CAMTA1: variants seen among roughly 807,000 people sequenced by gnomAD.
CAMTA1 encodes calmodulin binding transcription activator 1, also known as calmodulin-binding transcription activator 1.
A neutral mutation model predicts 170.9 loss-of-function variants in CAMTA1; 27 were observed. The ratio of observed to expected loss-of-function variants is 0.16; its 90% CI spans 0.12 to 0.22. The LOEUF is 0.22. Among genes scored for constraint, CAMTA1 ranks in the 10% least tolerant of loss-of-function variants. CAMTA1 has a pLI of 1.00. For missense variants in CAMTA1, 1,619 were observed against 2,217.2 expected, an observed-to-expected ratio of 0.73 and a Z score of 5.42; for synonymous variants, 833 against 891.5, an observed-to-expected ratio of 0.93 and a Z score of 1.17.
intron 5 of CAMTA1, among the ~76,000 whole-genome samples, chr1:7,377,461 C>G (rs1575003226): frequency 6.6e-6 from 1 of 152,174 alleles, no homozygotes; most frequent in East Asian, 1.9e-4. Flanking sequence ...ATCTCAGGCC[C>G]CAGATATTCT....
intron 3 of CAMTA1, among the ~76,000 whole-genome samples, chr1:7,013,531 C>A (rs1700120709): frequency 6.6e-6 from 1 of 152,128 alleles, no homozygotes; most frequent in Admixed American, 6.6e-5. Context: ...CTTCTTGAGT[C>A]TTTTCTCAAC....
At chr1:7,168,437 C>T (rs1335066260) in intron 4 of CAMTA1, among the ~76,000 whole-genome samples, 2 of 152,182 alleles carry the variant, frequency 1.3e-5, no homozygotes, top group Non-Finnish European at 2.9e-5. Flanking sequence ...GAGTCTTGCT[C>T]TGTTGCCCAG....
chr1:7,000,252 CT>C (rs1004706345), intron 3 of CAMTA1, among the ~76,000 whole-genome samples: 1 of 152,240 alleles, frequency 6.6e-6, no homozygotes, highest in Non-Finnish European at 1.5e-5. Flanking sequence ...CTGCAGCCCC[CT>C]GCGTGGGGAG....
intron 11 of CAMTA1, among the ~76,000 whole-genome samples, chr1:7,717,334 A>G (rs1214630946): frequency 6.6e-6 from 1 of 152,218 alleles, no homozygotes; most frequent in East Asian, 1.9e-4. Flanking sequence ...ACATTTGTAC[A>G]TAGTGCATTA....
intron 11 of CAMTA1, chr1:7,693,939 GGCCA>G (rs2096346946): frequency 6.6e-6 from 1 of 152,198 alleles, no homozygotes. Flanking sequence ...TATCCAGTGT[GGCCA>G]GCATCTACCC....
At chr1:6,824,778 G>T (rs898460857) in intron 2 of CAMTA1, among the ~76,000 whole-genome samples, 6 of 151,988 alleles carry the variant, frequency 3.9e-5, no homozygotes, top group African/African-American at 1.5e-4. Flanking sequence ...ATTTTTATGT[G>T]CTTCATCAAA....
In CAMTA1 at chr1:6,940,928, GA is replaced by G. The variant is rs145013989; in HGVS notation, c.234+115721del. On this transcript the variant is annotated intron_variant, in intron 3 of 22. Coordinates refer to ENST00000303635, the MANE Select transcript of CAMTA1 (RefSeq NM_015215.4). ...CTCACAGGCAGGGGATCCTCACAGG[GA>G]AAGGGGATCCTCAGGGGGAGGGGGG... 8.8e-3 allele frequency among the ~76,000 whole-genome samples: 217 copies of G among 24,608 alleles called. 5 individuals are homozygous for G. Among genetic ancestry groups the G allele is most frequent in the South Asian group, 0.015 (9 of 600 alleles). 16.1% of individuals were successfully genotyped at this position (24,608 alleles called of 152,430 possible).
chr1:7,134,103 A>G (rs895373641), intron 4 of CAMTA1, among the ~76,000 whole-genome samples: 21 of 152,050 alleles, frequency 1.4e-4, no homozygotes, highest in African/African-American at 3.6e-4. Context: ...TTCTATGTCC[A>G]TGAGTACCCA....
At chr1:6,973,519 G>A (rs1370187338) in intron 3 of CAMTA1, among the ~76,000 whole-genome samples, 6 of 152,156 alleles carry the variant, frequency 3.9e-5, no homozygotes, top group Admixed American at 2.0e-4. Flanking sequence ...CTTTATGCAC[G>A]CATCTGTTGG....
intron 6 of CAMTA1, among the ~76,000 whole-genome samples, chr1:7,596,900 G>T (rs2095404629): frequency 7.1e-6 from 1 of 140,200 alleles, no homozygotes; most frequent in Admixed American, 7.8e-5. Context: ...TGACAGACAT[G>T]CAGTAACTCC....
intron 6 of CAMTA1, among the ~76,000 whole-genome samples, chr1:7,483,675 CA>C (rs2093573175): frequency 6.6e-6 from 1 of 152,186 alleles, no homozygotes; most frequent in South Asian, 2.1e-4. Flanking sequence ...GACCCCAGGA[CA>C]GGGCAGTAGC....
At chr1:7,223,999 C>T (rs539865383) in intron 4 of CAMTA1, among the ~76,000 whole-genome samples, 53 of 152,244 alleles carry the variant, frequency 3.5e-4, no homozygotes, top group African/African-American at 1.2e-3. Flanking sequence ...ACTCGATCAC[C>T]CCAGATGACC....
chr1:7,766,308 A>G (rs908541868), intron 22 of CAMTA1, 151 bp from the exon 23 acceptor site: 2 of 626,834 alleles, frequency 3.2e-6, no homozygotes, highest in Non-Finnish European at 5.6e-6. Context: ...TTTCCCCAAC[A>G]ATTTCACAGG....
chr1:7,418,192 A>G (rs1348190696), intron 5 of CAMTA1, among the ~76,000 whole-genome samples: 1 of 151,370 alleles, frequency 6.6e-6, no homozygotes, highest in Non-Finnish European at 1.5e-5. Flanking sequence ...GCTCTTCAAC[A>G]CTTCTTTTTG....
intron 6 of CAMTA1, among the ~76,000 whole-genome samples, chr1:7,584,267 A>G (rs2095288653): frequency 6.6e-6 from 1 of 151,944 alleles, no homozygotes; most frequent in Non-Finnish European, 1.5e-5. Flanking sequence ...AGCAAGGAGA[A>G]GTGGGGATTT....
chr1:6,850,490 AAGGGAG>A lies in CAMTA1; in HGVS notation c.234+25283_234+25288del, dbSNP rs573335509. Among the ~76,000 whole-genome samples the A allele has an allele frequency of 3.9e-5, 6 of 152,340 alleles. No homozygotes were observed. In the East Asian group the frequency reaches 1.2e-3, roughly 29 times the overall value. The stretch of plus-strand genomic sequence containing the variant: ...AGGGGTAGACCCACAAAGAGTGAAA[AAGGGAG>A]AGTAGGGAAGATTTTTCTGGTTGAT... On this transcript the variant is annotated intron_variant, in intron 3 of 22. Coordinates refer to ENST00000303635, the MANE Select transcript of CAMTA1 (RefSeq NM_015215.4).
intron 11 of CAMTA1, among the ~76,000 whole-genome samples, chr1:7,699,713 G>A (rs1310455173): frequency 1.3e-5 from 2 of 152,194 alleles, no homozygotes; most frequent in African/African-American, 4.8e-5. Context: ...TAGTCACTTA[G>A]TGGGTGTGAA....
chr1:7,452,968 G>C (rs989762341), intron 5 of CAMTA1, among the ~76,000 whole-genome samples: 1 of 152,154 alleles, frequency 6.6e-6, no homozygotes, highest in Non-Finnish European at 1.5e-5. Context: ...CGAGGTTCTT[G>C]AATCGGCTTC....
At chr1:7,308,362 T>C (rs1279073144) in intron 5 of CAMTA1, among the ~76,000 whole-genome samples, 1 of 152,058 alleles carries the variant, frequency 6.6e-6, no homozygotes, top group Non-Finnish European at 1.5e-5. Flanking sequence ...TGTAATTCAT[T>C]CTTATTTTAC....
Sources: allele counts gnomAD v4.1 joint callset (sites outside exome capture counted in the v4.1 genomes callset), GRCh38; gene constraint gnomAD v4.1.1; transcripts MANE v1.5; gene names NCBI Gene and HGNC (gene_info 2026-07-23, HGNC 2026-07-21).